RYK: variants seen among roughly 807,000 people sequenced by gnomAD.
RYK encodes receptor like tyrosine kinase, also known as inactive tyrosine-protein kinase RYK.
A neutral mutation model predicts 70.2 loss-of-function variants in RYK; 21 were observed. The observed-to-expected ratio is 0.30, with a 90% CI of 0.21 to 0.43. RYK has a LOEUF of 0.43. RYK is among the 20% of genes least tolerant of loss of function. The probability of loss-of-function intolerance (pLI) is 1.00; values close to 1 mark genes in which losing one functional copy is unlikely to be tolerated. For missense variants in RYK, 604 were observed against 753.3 expected (o/e 0.80, Z 2.32); for synonymous variants, 267 against 278.0 (o/e 0.96, Z 0.39).
At chr3:134,216,500 T>C (rs1378808539) in intron 2 of RYK, among the ~76,000 whole-genome samples, 1 of 151,866 alleles carries the variant, frequency 6.6e-6, no homozygotes, top group Non-Finnish European at 1.5e-5. Context: ...ATATCTAAAA[T>C]AGCTACTGAC....
intron 1 of RYK, among the ~76,000 whole-genome samples, chr3:134,232,375 G>T (rs1442758133): frequency 1.3e-5 from 2 of 152,080 alleles, no homozygotes; most frequent in East Asian, 3.9e-4. Flanking sequence ...TGCTATAATT[G>T]AATGCTGCAT....
chr3:134,213,477 C>T (rs2014461086), intron 2 of RYK, among the ~76,000 whole-genome samples: 1 of 152,180 alleles, frequency 6.6e-6, no homozygotes, highest in African/African-American at 2.4e-5. Flanking sequence ...CCATAATCAT[C>T]AGCCCACTGC....
intron 7 of RYK, among the ~76,000 whole-genome samples, chr3:134,194,625 G>A (rs990515958): frequency 3.3e-5 from 5 of 152,112 alleles, no homozygotes; most frequent in South Asian, 2.1e-4. Flanking sequence ...AATCAGATCC[G>A]ACATTCTCAA....
chr3:134,206,987 A>G (rs544644174), intron 5 of RYK, among the ~76,000 whole-genome samples: 1 of 152,322 alleles, frequency 6.6e-6, no homozygotes, highest in East Asian at 1.9e-4. Flanking sequence ...GTCAGAAAAA[A>G]AAAAGAAGTT....
chr3:134,163,571 T>C (rs998109378), intron 13 of RYK, among the ~76,000 whole-genome samples: 1 of 151,986 alleles, frequency 6.6e-6, no homozygotes, highest in African/African-American at 2.4e-5. Context: ...CATATATGAA[T>C]GTGACTTGTC....
chr3:134,245,974 TAAAC>T lies in RYK; in HGVS notation c.232+4445_232+4448del, dbSNP rs561090561. 3.0e-4 allele frequency among the ~76,000 whole-genome samples: 45 copies of T among 152,068 alleles called. No individual in the cohort carries two copies. The South Asian group carries it at 4.8e-3, about 16-fold the overall frequency. On this transcript the variant is annotated intron_variant, in intron 1 of 14. Transcript: ENST00000623711. ...CAAGGATCACCAGATATTTATGACTTAAACAAACAAAGAAAAGATCCCTGAAATG... is the reference window on the plus strand; with the variant it reads ...CAAGGATCACCAGATATTTATGACTTAAACAAAGAAAAGATCCCTGAAATG...
intron 1 of RYK, among the ~76,000 whole-genome samples, chr3:134,233,370 AT>A (rs780644905): frequency 1.3e-5 from 2 of 152,240 alleles, no homozygotes; most frequent in Non-Finnish European, 2.9e-5. Context: ...TTATTTAAAA[AT>A]AATACTGACT....
At chr3:134,212,986 C>G (rs369956290) in intron 2 of RYK, among the ~76,000 whole-genome samples, 1 of 152,184 alleles carries the variant, frequency 6.6e-6, no homozygotes, top group East Asian at 1.9e-4. Context: ...ACATTCCCAA[C>G]AAAGGAAATG....
At chr3:134,244,454 T>G (rs2015401897) in intron 1 of RYK, among the ~76,000 whole-genome samples, 3 of 152,204 alleles carry the variant, frequency 2.0e-5, no homozygotes, top group African/African-American at 7.2e-5. Context: ...ACAGTATGAA[T>G]TCAGGTCTCA....
At chr3:134,233,346 CAG>C (rs2015112813) in intron 1 of RYK, among the ~76,000 whole-genome samples, 1 of 152,074 alleles carries the variant, frequency 6.6e-6, no homozygotes, top group African/African-American at 2.4e-5. Flanking sequence ...GATGTTATAA[CAG>C]AAATGTTTAT....
chr3:134,226,839 C>G (rs2014923862), intron 1 of RYK, among the ~76,000 whole-genome samples: 1 of 152,006 alleles, frequency 6.6e-6, no homozygotes, highest in South Asian at 2.1e-4. Context: ...TAAAAAAACC[C>G]TACAGCTAAT....
Position 134,177,927 on chromosome 3 carries a change from C to G in RYK, c.1305+14G>C, listed in dbSNP as rs2013163775. On this transcript the variant is annotated intron_variant, in intron 11 of 14. Transcript: ENST00000623711. ...TACTGGTAAATAATTGGTATTTGGGCAAATTTTTCTCACCTGTGGATTATT... is the reference window on the plus strand; with the variant it reads ...TACTGGTAAATAATTGGTATTTGGGGAAATTTTTCTCACCTGTGGATTATT... 6.3e-7 allele frequency: 1 copy of G among 1,599,172 alleles called. No individual in the cohort carries two copies. Among genetic ancestry groups the G allele is most frequent in the African/African-American group, 1.4e-5 (1 of 74,034 alleles).
intron 1 of RYK, among the ~76,000 whole-genome samples, chr3:134,226,806 T>G (rs1269020494): frequency 6.6e-6 from 1 of 152,092 alleles, no homozygotes; most frequent in East Asian, 1.9e-4. Flanking sequence ...AGACAGAAAC[T>G]TTCTTAGTTT....
chr3:134,226,065 G>A (rs1347309797), intron 1 of RYK, among the ~76,000 whole-genome samples: 2 of 151,918 alleles, frequency 1.3e-5, no homozygotes, highest in Non-Finnish European at 2.9e-5. Context: ...AATACCATAT[G>A]ATAAAGATAT....
chr3:134,225,058 G>T (rs1192931672), intron 1 of RYK, among the ~76,000 whole-genome samples: 40 of 152,086 alleles, frequency 2.6e-4, no homozygotes. Flanking sequence ...GCACTAGCTG[G>T]GTAGCACTGC....
At chr3:134,220,249 C>T (rs1217300079) in intron 2 of RYK, among the ~76,000 whole-genome samples, 1 of 152,118 alleles carries the variant, frequency 6.6e-6, no homozygotes, top group African/African-American at 2.4e-5. Context: ...AACTAAGAGA[C>T]ATCAACTAGT....
At chr3:134,192,303 T>C (rs1431366804) in intron 7 of RYK, among the ~76,000 whole-genome samples, 1 of 152,192 alleles carries the variant, frequency 6.6e-6, no homozygotes, top group Non-Finnish European at 1.5e-5. Flanking sequence ...TTTCATTTAA[T>C]CCTTCTTATG....
intron 2 of RYK, among the ~76,000 whole-genome samples, chr3:134,220,798 T>G (rs990094779): frequency 6.6e-6 from 1 of 152,120 alleles, no homozygotes; most frequent in Non-Finnish European, 1.5e-5. Context: ...GAAACATCAA[T>G]AAAAGATGAA....
intron 10 of RYK, chr3:134,181,385 A>G (rs1217312514): frequency 6.6e-6 from 1 of 152,132 alleles, no homozygotes; most frequent in Non-Finnish European, 1.5e-5. Flanking sequence ...ATGTTCAGTC[A>G]CAGTAAAAAT....
Sources: gnomAD v4.1 joint callset for allele counts (sites outside exome capture counted in the v4.1 genomes callset) on GRCh38, gnomAD v4.1.1 for gene constraint, MANE v1.5 for transcripts, NCBI Gene and HGNC (gene_info 2026-07-23, HGNC 2026-07-21) for gene names.